The following SCLT1 variants were observed in gnomAD, a reference collection of about 807,000 sequenced individuals.
The protein encoded by SCLT1 is sodium channel-associated protein 1.
A neutral mutation model predicts 112.8 loss-of-function variants in SCLT1; 78 were observed. The ratio of observed to expected loss-of-function variants is 0.69; its 90% CI spans 0.58 to 0.83. The LOEUF (loss-of-function observed/expected upper bound fraction) is 0.83, where lower values mean the gene tolerates loss of function less well. Among genes scored for constraint, SCLT1 ranks in the 40% least tolerant of loss-of-function variants. SCLT1 has a pLI of 0.00. For synonymous variants in SCLT1, 257 were observed against 254.7 expected (o/e 1.01, Z -0.09); for missense variants, 747 against 770.4 (o/e 0.97, Z 0.36).
At chr4:129,059,736 T>A (rs1367989969) in intron 2 of SCLT1, among the ~76,000 whole-genome samples, 3 of 152,206 alleles carry the variant, frequency 2.0e-5, no homozygotes, top group Non-Finnish European at 4.4e-5. Flanking sequence ...CAGATTCTTT[T>A]ATATGTGACT....
In SCLT1 at chr4:129,035,945, G is replaced by C. The variant is rs148715574; in HGVS notation, c.290+3096C>G. On this transcript the variant is annotated intron_variant, in intron 5 of 20. Transcript: ENST00000281142. ...AGATAGTATACTCTGATATGTAAAT[G>C]TAAGTATTAAAATTTTTCCAAAATT... Among the ~76,000 whole-genome samples the C allele has an allele frequency of 6.6e-5, 10 of 151,764 alleles. No individual in the cohort carries two copies. The East Asian group carries it at 1.9e-3, about 29-fold the overall frequency.
chr4:128,941,702 G>A (rs1412336185), intron 17 of SCLT1, among the ~76,000 whole-genome samples: 1 of 151,950 alleles, frequency 6.6e-6, no homozygotes, highest in Non-Finnish European at 1.5e-5. Context: ...TTTCACCATG[G>A]TTAGTGTTTT....
At position 128,993,238 on chromosome 4, in the gene SCLT1, T is replaced by C. The variant is rs147863438; in HGVS notation, c.616-1001A>G. 8.3e-4 allele frequency among the ~76,000 whole-genome samples: 126 copies of C among 152,168 alleles called. 2 individuals are homozygous for C. The highest frequency in any genetic ancestry group is 3.0e-3 in the African/African-American group (123 of 41,572). On this transcript the variant is annotated intron_variant, in intron 8 of 20. Transcript: ENST00000281142. ...CTGTACTTTGATAAAACTTAATACA[T>C]GCCTTTACAGTGCACATTATATTTA... is the stretch of plus-strand genomic sequence containing the variant.
At chr4:128,929,670 A>G (rs1736596391) in intron 18 of SCLT1, among the ~76,000 whole-genome samples, 1 of 152,022 alleles carries the variant, frequency 6.6e-6, no homozygotes, top group South Asian at 2.1e-4. Context: ...CATAAAAGAG[A>G]TGTCAGAAAC....
intron 13 of SCLT1, among the ~76,000 whole-genome samples, chr4:128,955,587 TATTCTC>T (rs1739151858): frequency 6.6e-6 from 1 of 152,206 alleles, no homozygotes; most frequent in South Asian, 2.1e-4. Flanking sequence ...CATGTAAAGT[TATTCTC>T]AATTCAACAG....
intron 11 of SCLT1, among the ~76,000 whole-genome samples, chr4:128,962,571 CT>C (rs1198316954): frequency 6.6e-6 from 1 of 152,132 alleles, no homozygotes; most frequent in African/African-American, 2.4e-5. Flanking sequence ...TCTAAACCCC[CT>C]CTATCATTTT....
chr4:129,088,586 A>G (rs1055124369), intron 1 of SCLT1, among the ~76,000 whole-genome samples: 1 of 152,216 alleles, frequency 6.6e-6, no homozygotes, highest in Admixed American at 6.5e-5. Flanking sequence ...TTATTTTCAG[A>G]TTACAAGATT....
intron 2 of SCLT1, among the ~76,000 whole-genome samples, chr4:129,046,652 A>T (rs142077768): frequency 1.8e-4 from 28 of 152,262 alleles, no homozygotes; most frequent in Middle Eastern, 3.4e-3. Flanking sequence ...TTCTTGAAAA[A>T]GTCTTATTGG....
rs2125793456 is a variant in SCLT1, at chr4:129,093,080, CAGAA to C, written c.20_23del (p.Phe7Ter). On this transcript the variant is annotated frameshift_variant, in exon 1 of 21. Transcript: ENST00000281142. LOFTEE classifies it high-confidence loss of function. ...AAACATGGAGCTTACTTTGCTCTCT[CAGAA>C]AGTCGATTTCTGCAGCCATTTCGAT... is the stretch of plus-strand genomic sequence containing the variant. The C allele has an allele frequency of 3.7e-6, 6 of 1,612,516 alleles. No individual in the cohort carries two copies. The highest frequency in any genetic ancestry group is 5.1e-6 in the Non-Finnish European group (6 of 1,178,438).
chr4:128,959,759 T>C lies in SCLT1; in HGVS notation c.888A>G (p.Gln296=). The change falls in exon 12 of 21, where the codon CAA becomes CAG. Residue 296 remains glutamine (Q), a synonymous_variant. Coordinates refer to ENST00000281142, the MANE Select transcript of SCLT1 (RefSeq NM_144643.4). ...TTTCGGTTCTTAATTGGTTGGCTTC[T>C]TGGATTGTCACACATAATCTAGAAA... The part of the protein sequence containing the change: ...QLEIRLCVTI[Q]EANQLRTENT... The C allele has an allele frequency of 3.1e-6, 5 of 1,613,264 alleles. No individual in the cohort carries two copies. The highest frequency in any genetic ancestry group is 4.2e-6 in the Non-Finnish European group (5 of 1,179,572).
chr4:129,017,192 T>C (rs1458968557), intron 5 of SCLT1, among the ~76,000 whole-genome samples: 2 of 152,058 alleles, frequency 1.3e-5, no homozygotes, highest in Non-Finnish European at 2.9e-5. Flanking sequence ...TGTGTTTTTT[T>C]GTGGGGGGGG....
intron 20 of SCLT1, among the ~76,000 whole-genome samples, chr4:128,886,391 T>C (rs185833839): frequency 2.6e-5 from 4 of 152,362 alleles, no homozygotes; most frequent in East Asian, 1.9e-4. Context: ...TTCTTCATTT[T>C]GTTAATATGC....
At chr4:129,000,965 A>C (rs993627406) in intron 6 of SCLT1, among the ~76,000 whole-genome samples, 6 of 151,746 alleles carry the variant, frequency 4.0e-5, no homozygotes, top group Non-Finnish European at 7.4e-5. Context: ...AAAAACAAAA[A>C]CTGTAGGCTA....
intron 9 of SCLT1, among the ~76,000 whole-genome samples, chr4:128,982,407 T>A (rs991887076): frequency 6.6e-6 from 1 of 152,216 alleles, no homozygotes; most frequent in African/African-American, 2.4e-5. Flanking sequence ...GTTTAAGTTC[T>A]CAATGAATAT....
At chr4:128,942,884 G>C in intron 17 of SCLT1, 112 bp downstream of exon 17, 1 of 692,184 alleles carries the variant, frequency 1.4e-6, no homozygotes, top group East Asian at 2.6e-5. Flanking sequence ...AGTGCTATCT[G>C]ATGAGAAGGC....
intron 11 of SCLT1, among the ~76,000 whole-genome samples, chr4:128,964,377 T>A (rs907686072): frequency 4.6e-5 from 7 of 152,062 alleles, no homozygotes; most frequent in African/African-American, 1.7e-4. Context: ...CAGAGATAAG[T>A]GATGGGTAAA....
intron 5 of SCLT1, among the ~76,000 whole-genome samples, chr4:129,007,473 G>T (rs529960459): frequency 3.9e-5 from 6 of 152,052 alleles, no homozygotes; most frequent in African/African-American, 1.4e-4. Flanking sequence ...ATATAATTTC[G>T]TATCATTATG....
chr4:128,955,867 A>G (rs1232638879), intron 13 of SCLT1, among the ~76,000 whole-genome samples: 1 of 152,170 alleles, frequency 6.6e-6, no homozygotes, highest in African/African-American at 2.4e-5. Context: ...GAGGGGGCAA[A>G]GACGCAGCAA....
intron 8 of SCLT1, among the ~76,000 whole-genome samples, chr4:128,993,017 C>A (rs1742707864): frequency 2.0e-5 from 3 of 151,868 alleles, no homozygotes; most frequent in Non-Finnish European, 4.4e-5. Flanking sequence ...CCCAACATAC[C>A]ATGCTTAAAT....
Sources: allele counts gnomAD v4.1 joint callset (sites outside exome capture counted in the v4.1 genomes callset), GRCh38; gene constraint gnomAD v4.1.1; transcripts MANE v1.5; gene names NCBI Gene and HGNC (gene_info 2026-07-23, HGNC 2026-07-21).